FAM216B: variants seen among roughly 807,000 people sequenced by gnomAD.
FAM216B encodes the protein protein FAM216B.
In FAM216B, 11 loss-of-function variants were observed where a neutral mutation model predicts 12.9. The ratio of observed to expected loss-of-function variants is 0.86; its 90% confidence interval spans 0.54 to 1.42. FAM216B has a LOEUF of 1.42. FAM216B is among the 40% of genes most tolerant of loss of function. FAM216B has a pLI of 0.00. For synonymous variants in FAM216B, 52 were observed against 57.2 expected (o/e 0.91, Z 0.41); for missense variants, 167 against 162.9 (o/e 1.02, Z -0.14).
rs1874250889 is a variant in FAM216B, at chr13:42,789,795, A to G, written c.*1005A>G. 1 of 152,206 alleles carries G rather than the reference A, an allele frequency of 6.6e-6. No homozygotes were observed. The highest frequency in any genetic ancestry group is 1.5e-5 in the Non-Finnish European group (1 of 68,030). The allele number at this position is 152,206 out of a possible 1,614,324, so 9.4% of individuals were successfully genotyped here. A position where few individuals can be genotyped will look rare whatever the true frequency, so the allele number is the denominator to read the frequency against. Reference sequence around the variant, plus strand: ...TGAAAGGAATTGGTTGAGGTGGAATATAAATTTTATTGACAAGGGATGTGC... The same window carrying G: ...TGAAAGGAATTGGTTGAGGTGGAATGTAAATTTTATTGACAAGGGATGTGC... On this transcript the variant is annotated 3_prime_UTR_variant, in exon 4 of 4. Coordinates refer to ENST00000313851, the MANE Select transcript of FAM216B (RefSeq NM_001318932.2).
intron 3 of FAM216B, among the ~76,000 whole-genome samples, chr13:42,787,121 T>C (rs1219246986): frequency 6.6e-6 from 1 of 152,200 alleles, no homozygotes; most frequent in East Asian, 1.9e-4. Flanking sequence ...AAATGTTAAC[T>C]CTCTGAGATT....
Position 42,788,794 on chromosome 13 carries a change from T to G in FAM216B, c.*4T>G. 1.3e-6 allele frequency: 2 copies of G among 1,598,684 alleles called. No individual in the cohort carries two copies. The highest frequency in any genetic ancestry group is 1.3e-5 in the African/African-American group (1 of 74,202). The stretch of plus-strand genomic sequence containing the variant: ...GCGCCAAGTGCTCAGGAACTGAGAC[T>G]TGGCAGCATTTTCAGAAACAGGAAG... On this transcript the variant is annotated 3_prime_UTR_variant, in exon 4 of 4. Coordinates refer to ENST00000313851, the MANE Select transcript of FAM216B (RefSeq NM_001318932.2).
chr13:42,786,122 T>C (rs970714484), intron 2 of FAM216B, among the ~76,000 whole-genome samples: 1 of 152,154 alleles, frequency 6.6e-6, no homozygotes, highest in Admixed American at 6.5e-5. Context: ...ACAATCAGAC[T>C]CTCTTCCCTT....
chr13:42,782,555 C>T (rs1873896268), intron 1 of FAM216B, among the ~76,000 whole-genome samples: 1 of 152,140 alleles, frequency 6.6e-6, no homozygotes, highest in Non-Finnish European at 1.5e-5. Flanking sequence ...TTGCTGTGGT[C>T]TTACTTTCTA....
chr13:42,788,464 A>G, intron 3 of FAM216B, 127 bp from the exon 4 acceptor site: 2 of 656,954 alleles, frequency 3.0e-6, no homozygotes, highest in Non-Finnish European at 5.0e-6. Context: ...AAGATCATAT[A>G]ATCTGGGCAT....
At chr13:42,786,710 G>T in intron 2 of FAM216B, 53 bp from the exon 3 acceptor site, 1 of 1,539,784 alleles carries the variant, frequency 6.5e-7, no homozygotes, top group South Asian at 1.3e-5. Flanking sequence ...ATCACAATTT[G>T]AATGCTGTGG....
At position 42,790,199 on chromosome 13, in the gene FAM216B, C is replaced by T. The variant is rs1484173950; in HGVS notation, c.*1409C>T. On this transcript the variant is annotated 3_prime_UTR_variant, in exon 4 of 4. Transcript: ENST00000313851. ...AAGACTCCAGTGGGACTGGGATGAG[C>T]TGCGTGGTAGCCCTCATAAAGCAGA... 1 of 152,178 alleles carries T rather than the reference C, an allele frequency of 6.6e-6. No homozygotes were observed. Among genetic ancestry groups the T allele is most frequent in the African/African-American group, 2.4e-5 (1 of 41,448 alleles). The allele number at this position is 152,178 out of a possible 1,614,324, so 9.4% of individuals were successfully genotyped here.
Position 42,784,054 on chromosome 13 carries a change from G to T in FAM216B, c.-14G>T, listed in dbSNP as rs774764797. 3.2e-6 allele frequency: 5 copies of T among 1,584,116 alleles called. No individual in the cohort carries two copies. The highest frequency in any genetic ancestry group is 3.4e-6 in the Non-Finnish European group (4 of 1,167,646). On this transcript the variant is annotated splice_region_variant and 5_prime_UTR_variant, in exon 2 of 4. Coordinates refer to ENST00000313851, the MANE Select transcript of FAM216B (RefSeq NM_001318932.2). ...TGCTATGCTTTGTTGTTTCTTGGAGGTATAGGATAAACGATGGGACAAAAC... is the reference window on the plus strand; with the variant it reads ...TGCTATGCTTTGTTGTTTCTTGGAGTTATAGGATAAACGATGGGACAAAAC...
At chr13:42,784,252 T>C (rs1202656824) in intron 2 of FAM216B, 86 bp downstream of exon 2, 2 of 914,836 alleles carry the variant, frequency 2.2e-6, no homozygotes, top group Non-Finnish European at 3.3e-6. Flanking sequence ...TTCTGCTGTC[T>C]TTGTTTACCT....
intron 1 of FAM216B, among the ~76,000 whole-genome samples, 157 bp downstream of exon 1, chr13:42,781,821 G>T (rs1873868758): frequency 6.6e-6 from 1 of 152,166 alleles, no homozygotes. Flanking sequence ...CCCCAGAAAA[G>T]CACACATGAA....
Position 42,788,646 on chromosome 13 carries a change from C to T in FAM216B, c.276C>T (p.Thr92=), listed in dbSNP as rs1167068663. 1 of 1,613,914 alleles carries T rather than the reference C, an allele frequency of 6.2e-7. No individual in the cohort carries two copies. The highest frequency in any genetic ancestry group is 1.1e-5 in the South Asian group (1 of 91,062). ...LSYALVLRDS[T]KRASAKVAPQ... ...ATGCTCTTGTACTTAGAGATTCAAC[C>T]AAGAGAGCCTCAGCCAAGGTAGCTC... Residue 92 remains threonine (T), a synonymous_variant, in exon 4 of 4, where the codon ACC becomes ACT. Coordinates refer to ENST00000313851, the MANE Select transcript of FAM216B (RefSeq NM_001318932.2).
intron 2 of FAM216B, among the ~76,000 whole-genome samples, chr13:42,784,544 G>A (rs1873996250): frequency 6.6e-6 from 1 of 151,458 alleles, no homozygotes; most frequent in Non-Finnish European, 1.5e-5. Flanking sequence ...TCGGCCGGGC[G>A]CGGTGGCTCA....
At chr13:42,788,542 G>C (rs1295593129) in intron 3 of FAM216B, 49 bp from the exon 4 acceptor site, 1 of 1,478,148 alleles carries the variant, frequency 6.8e-7, no homozygotes, top group Non-Finnish European at 9.2e-7. Flanking sequence ...TTTCTTATTT[G>C]CCTTGTAAAA....
intron 1 of FAM216B, 64 bp from the exon 2 acceptor site, chr13:42,783,990 A>T: frequency 1.0e-6 from 1 of 988,728 alleles, no homozygotes; most frequent in Non-Finnish European, 1.5e-6. Flanking sequence ...TATTTACTTA[A>T]GTACATCCCC....
In FAM216B at chr13:42,788,897, A is replaced by G; in HGVS notation, c.*107A>G. The G allele has an allele frequency of 9.1e-7, 1 of 1,096,646 alleles. No individual in the cohort carries two copies. The highest frequency in any genetic ancestry group is 1.3e-6 in the Non-Finnish European group (1 of 795,482). The allele number at this position is 1,096,646 out of a possible 1,614,324, so 67.9% of individuals were successfully genotyped here. ...TGACAGTGAATAATTTCTAATATAA[A>G]CCCCAGACCTAAAAATAATCTCTGA... On this transcript the variant is annotated 3_prime_UTR_variant, in exon 4 of 4. Coordinates refer to ENST00000313851, the MANE Select transcript of FAM216B (RefSeq NM_001318932.2).
Position 42,786,191 on chromosome 13 carries a change from G to A in FAM216B, c.100-572G>A, listed in dbSNP as rs114638921. Among the ~76,000 whole-genome samples, 803 of 152,246 alleles carry A rather than the reference G, an allele frequency of 5.3e-3. 10 individuals carry two copies. The highest frequency in any genetic ancestry group is 0.016 in the African/African-American group (657 of 41,532). On this transcript the variant is annotated intron_variant, in intron 2 of 3. Coordinates refer to ENST00000313851, the MANE Select transcript of FAM216B (RefSeq NM_001318932.2). ...CAGGTTTCCAGATGTTGTGTATGCC[G>A]TTTGAGAACCAGTATTCTAGTCCCT...
At chr13:42,788,330 G>C (rs1874168170) in intron 3 of FAM216B, among the ~76,000 whole-genome samples, 1 of 152,134 alleles carries the variant, frequency 6.6e-6, no homozygotes, top group South Asian at 2.1e-4. Flanking sequence ...AGAAAGTTTT[G>C]ATATCGAAGA....
rs902789529 is a variant in FAM216B, at chr13:42,788,972, C to T, written c.*182C>T. ...CCAAGAGGTTTAAGAGCAATGGAGC[C>T]GAGAGTAAGCAAGCCTTTCCACATA... On this transcript the variant is annotated 3_prime_UTR_variant, in exon 4 of 4. Coordinates refer to ENST00000313851, the MANE Select transcript of FAM216B (RefSeq NM_001318932.2). 3.1e-5 allele frequency: 16 copies of T among 516,412 alleles called. No individual in the cohort carries two copies. Among genetic ancestry groups the T allele is most frequent in the African/African-American group, 1.9e-4 (10 of 52,468 alleles). 32.0% of individuals were successfully genotyped at this position (516,412 alleles called of 1,614,324 possible).
At chr13:42,785,698 C>T (rs1167275121) in intron 2 of FAM216B, among the ~76,000 whole-genome samples, 1 of 152,162 alleles carries the variant, frequency 6.6e-6, no homozygotes, top group Non-Finnish European at 1.5e-5. Context: ...TTTCTTTCTA[C>T]CTTTAAGAAA....
Sources: allele counts gnomAD v4.1 joint callset (sites outside exome capture counted in the v4.1 genomes callset), GRCh38; gene constraint gnomAD v4.1.1; transcripts MANE v1.5; gene names NCBI Gene and HGNC (gene_info 2026-07-23, HGNC 2026-07-21).